The following CECR2 variants were observed in gnomAD, a reference collection of about 807,000 sequenced individuals.
CECR2 encodes CECR2 histone acetyl-lysine reader.
In CECR2, 30 loss-of-function variants were observed where a neutral mutation model predicts 154.5. The ratio of observed to expected loss-of-function variants is 0.19; its 90% CI spans 0.15 to 0.26. The LOEUF (loss-of-function observed/expected upper bound fraction) is 0.26. Ranked by LOEUF, CECR2 falls within the 10% of genes least tolerant of loss-of-function variation. CECR2 has a pLI of 1.00. For synonymous variants in CECR2, 725 were observed against 683.7 expected (o/e 1.06, Z -0.94); for missense variants, 1,743 against 1,829.3 (o/e 0.95, Z 0.86).
rs1281715207 is a variant in CECR2, at chr22:17,441,531, T to A, written c.127-36057T>A. ...ATTTATTCTAACGTGATGAAAGCTT[T>A]CTTTTAAAAAGTAGCCGGGGGAGAT... On this transcript the variant is annotated intron_variant, in intron 1 of 18. Transcript: ENST00000262608. 4.6e-5 allele frequency among the ~76,000 whole-genome samples: 7 copies of A among 152,328 alleles called. No individual in the cohort carries two copies. The East Asian group carries it at 1.3e-3, about 29-fold the overall frequency.
At chr22:17,526,972 G>A (rs2056276553) in intron 9 of CECR2, among the ~76,000 whole-genome samples, 1 of 152,118 alleles carries the variant, frequency 6.6e-6, no homozygotes, top group Non-Finnish European at 1.5e-5. Context: ...CTTCTGCACA[G>A]CAAAGGAAAC....
At chr22:17,476,634 CG>C (rs1296320880) in intron 1 of CECR2, among the ~76,000 whole-genome samples, 2 of 152,110 alleles carry the variant, frequency 1.3e-5, no homozygotes, top group East Asian at 3.8e-4. Flanking sequence ...TTTTCAGAAC[CG>C]TTAATAAGAT....
chr22:17,523,860 T>G (rs2056203872), intron 8 of CECR2, among the ~76,000 whole-genome samples: 1 of 152,044 alleles, frequency 6.6e-6, no homozygotes, highest in Non-Finnish European at 1.5e-5. Context: ...TCCAGTAAAT[T>G]ATCCATAAGA....
In CECR2 at chr22:17,523,015, A is replaced by AGGGGG. The variant is rs2056185705; in HGVS notation, c.955-1103_955-1102insGGGGG. On this transcript the variant is annotated intron_variant, in intron 8 of 18. Transcript: ENST00000262608. ...GCAAGACTCCATCTCGGGGGGAAAA[A>AGGGGG]AAAAAGCCTGCTATCTAGGCAAGAT... is the stretch of plus-strand genomic sequence containing the variant. Among the ~76,000 whole-genome samples the AGGGGG allele has an allele frequency of 2.3e-3, 317 of 140,380 alleles. 6 individuals carry two copies. Among genetic ancestry groups the AGGGGG allele is most frequent in the Middle Eastern group, 3.5e-3 (1 of 284 alleles). The allele number at this position is 140,380 out of a possible 152,430, so 92.1% of individuals were successfully genotyped here.
chr22:17,544,809 CAAAAAAAAAAA>C (rs67994839), intron 16 of CECR2, among the ~76,000 whole-genome samples: 27 of 45,622 alleles, frequency 5.9e-4, no homozygotes, highest in Non-Finnish European at 8.7e-4. Context: ...GACTCTGTCT[CAAAAAAAAAAA>C]AAAAAAAAAA....
chr22:17,393,390 A>G lies in CECR2; in HGVS notation c.126+23481A>G, dbSNP rs140798500. Among the ~76,000 whole-genome samples the G allele has an allele frequency of 9.2e-5, 14 of 152,326 alleles. No homozygotes were observed. In the East Asian group the frequency reaches 2.7e-3, roughly 29 times the overall value. Reference sequence around the variant, plus strand: ...AGCTATATTTAAAGCTATACATTGTATATAATAATTTTTATTTTATTTACC... The same window carrying G: ...AGCTATATTTAAAGCTATACATTGTGTATAATAATTTTTATTTTATTTACC... On this transcript the variant is annotated intron_variant, in intron 1 of 18. Transcript: ENST00000262608.
chr22:17,407,258 G>C (rs1213693205), intron 1 of CECR2, among the ~76,000 whole-genome samples: 4 of 152,190 alleles, frequency 2.6e-5, no homozygotes, highest in Non-Finnish European at 5.9e-5. Context: ...TCATCCTAGT[G>C]AGATATAGAG....
rs189076403 is a variant in CECR2, at chr22:17,422,110, C to G, written c.126+52201C>G. ...TAGAGAAGGTGTTTTTTTTTCCCCC[C>G]TCTGGCCTCTTGCAGGATGTTTTCT... On this transcript the variant is annotated intron_variant, in intron 1 of 18. Coordinates refer to ENST00000262608, the MANE Select transcript of CECR2 (RefSeq NM_001290047.2). Among the ~76,000 whole-genome samples the G allele has an allele frequency of 5.7e-4, 87 of 151,828 alleles. 2 individuals carry two copies. The East Asian group carries it at 0.016, about 29-fold the overall frequency.
intron 1 of CECR2, among the ~76,000 whole-genome samples, chr22:17,370,216 G>A (rs1201046602): frequency 9.3e-5 from 14 of 150,900 alleles, no homozygotes; most frequent in Admixed American, 2.6e-4. Flanking sequence ...ACCCTCCCGG[G>A]ACTTCTCCGG....
chr22:17,540,603 T>A lies in CECR2; in HGVS notation c.1687T>A (p.Ser563Thr). The A allele has an allele frequency of 6.2e-7, 1 of 1,613,178 alleles. No individual in the cohort carries two copies. Among genetic ancestry groups the A allele is most frequent in the Non-Finnish European group, 8.5e-7 (1 of 1,179,594 alleles). ...VWTRSRDPEG[S>T]SRKQQPMENG... ...GACCCGCTCCAGGGACCCAGAAGGG[T>A]CCAGCAGGAAACAGCAGCCCATGGA... Residue 563 changes from serine to threonine, a missense_variant, in exon 14 of 19, where the codon TCC (serine) becomes ACC (threonine). Transcript: ENST00000262608.
chr22:17,514,365 G>T (rs891610253), intron 8 of CECR2, among the ~76,000 whole-genome samples: 4 of 152,096 alleles, frequency 2.6e-5, no homozygotes, highest in African/African-American at 4.8e-5. Flanking sequence ...CAGCATGTTG[G>T]GCATTGCTTA....
intron 1 of CECR2, among the ~76,000 whole-genome samples, chr22:17,411,964 G>C (rs979216085): frequency 6.6e-6 from 1 of 152,062 alleles, no homozygotes; most frequent in African/African-American, 2.4e-5. Flanking sequence ...GTTGTCGGAC[G>C]TCAAGGTTTT....
chr22:17,497,347 C>G (rs560359613), intron 2 of CECR2, 56 bp from the exon 3 acceptor site: 2 of 1,511,118 alleles, frequency 1.3e-6, no homozygotes, highest in Admixed American at 2.1e-5. Flanking sequence ...CTCTCCTTCT[C>G]CCAACCAACC....
intron 1 of CECR2, among the ~76,000 whole-genome samples, chr22:17,447,033 C>CTTTTTTTTTTTTTTTT (rs1555910503): frequency 1.8e-5 from 2 of 114,110 alleles, no homozygotes; most frequent in African/African-American, 3.8e-5. Context: ...CGTTTACAAT[C>CTTTTTTTTTTTTTTTT]TTTTTTTTTT....
At position 17,491,582 on chromosome 22, in the gene CECR2, T is replaced by TGG. The variant is rs56004524; in HGVS notation, c.222-5815_222-5814dup. Among the ~76,000 whole-genome samples, 259 of 103,252 alleles carry TGG rather than the reference T, an allele frequency of 2.5e-3. 9 individuals are homozygous for TGG. The highest frequency in any genetic ancestry group is 0.018 in the South Asian group (59 of 3,248). 67.7% of individuals were successfully genotyped at this position (103,252 alleles called of 152,430 possible). Reference sequence around the variant, plus strand: ...GCTTCTTATTCTGTGTGTGTGTGTGTGGGGGGGTGGGTGTTTAGCAGTCGT... The same window carrying TGG: ...GCTTCTTATTCTGTGTGTGTGTGTGTGGGGGGGGGTGGGTGTTTAGCAGTCGT... On this transcript the variant is annotated intron_variant, in intron 2 of 18. Coordinates refer to ENST00000262608, the MANE Select transcript of CECR2 (RefSeq NM_001290047.2).
upstream of CECR2, among the ~76,000 whole-genome samples, chr22:17,368,703 A>C (rs1186831961): frequency 3.9e-5 from 6 of 152,044 alleles, no homozygotes; most frequent in Non-Finnish European, 5.9e-5. Context: ...TCACTCTTCC[A>C]GGCAGCTCTT....
chr22:17,462,653 C>A (rs567969376), intron 1 of CECR2, among the ~76,000 whole-genome samples: 1 of 152,126 alleles, frequency 6.6e-6, no homozygotes, highest in Non-Finnish European at 1.5e-5. Context: ...CAGTGGCTCA[C>A]GCCTGTAATC....
chr22:17,367,453 TCG>T (rs2146425268), upstream of CECR2, among the ~76,000 whole-genome samples: 1 of 152,208 alleles, frequency 6.6e-6, no homozygotes, highest in Non-Finnish European at 1.5e-5. Flanking sequence ...TGGCGAGATC[TCG>T]GCTCATTGCA....
Position 17,458,589 on chromosome 22 carries a change from T to A in CECR2, c.127-18999T>A, listed in dbSNP as rs547889005. ...AATTCTGATGAAGATCACATGGGAT[T>A]TCCGTATACAGTGTTTATATAACCT... On this transcript the variant is annotated intron_variant, in intron 1 of 18. Coordinates refer to ENST00000262608, the MANE Select transcript of CECR2 (RefSeq NM_001290047.2). Among the ~76,000 whole-genome samples the A allele has an allele frequency of 8.2e-4, 124 of 152,086 alleles. 1 individual carries two copies. Among genetic ancestry groups the A allele is most frequent in the Admixed American group, 1.3e-3 (20 of 15,260 alleles).
Sources: allele counts gnomAD v4.1 joint callset (sites outside exome capture counted in the v4.1 genomes callset), GRCh38; gene constraint gnomAD v4.1.1; transcripts MANE v1.5; gene names NCBI Gene and HGNC (gene_info 2026-07-23, HGNC 2026-07-21).